Variants in SNAP91 observed in about 807,000 individuals in gnomAD.
The protein encoded by SNAP91 is synaptosome associated protein 91, also known as clathrin coat assembly protein AP180.
A neutral mutation model predicts 100.3 loss-of-function variants in SNAP91; 27 were observed. The observed-to-expected ratio is 0.27, with a 90% CI of 0.20 to 0.37. The LOEUF is 0.37. SNAP91 is among the 10% of genes least tolerant of loss of function. The pLI is 1.00. For synonymous variants in SNAP91, 404 were observed against 398.6 expected, an observed-to-expected ratio of 1.01 and a Z score of -0.16; for missense variants, 986 against 1,123.7, an observed-to-expected ratio of 0.88 and a Z score of 1.75.
At chr6:83,708,239 C>A (rs957464893) in intron 1 of SNAP91, 2 of 313,796 alleles carry the variant, frequency 6.4e-6, no homozygotes, top group African/African-American at 2.2e-5. Context: ...GCCAGACTCA[C>A]CCCCTGGGGA....
chr6:83,614,797 G>A (rs935680518), intron 11 of SNAP91, 60 bp downstream of exon 11: 298 of 1,252,364 alleles, frequency 2.4e-4, no homozygotes, highest in Non-Finnish European at 3.2e-4. Context: ...AATCTTAAGA[G>A]TGTTTTTTGC....
At chr6:83,600,529 C>G (rs1389600325) in intron 16 of SNAP91, among the ~76,000 whole-genome samples, 1 of 152,142 alleles carries the variant, frequency 6.6e-6, no homozygotes, top group Non-Finnish European at 1.5e-5. Context: ...TGGTACCACA[C>G]AGATGGGGAT....
At chr6:83,554,483 A>T (rs2022267) in intron 29 of SNAP91, among the ~76,000 whole-genome samples, 198 bp from the exon 30 acceptor site, 61,010 of 151,920 alleles carry the variant, frequency 0.4, 13,496 homozygotes, top group South Asian at 0.52. Context: ...TTTAGCCAGA[A>T]ATTAAAAAAA....
At chr6:83,610,504 G>C (rs1419831127) in intron 12 of SNAP91, 146 bp downstream of exon 12, 4 of 253,734 alleles carry the variant, frequency 1.6e-5, no homozygotes, top group Non-Finnish European at 8.0e-6. Flanking sequence ...AGTTTTGAAA[G>C]ATAAAAAAAA....
chr6:83,637,138 G>T (rs534819130), intron 8 of SNAP91, among the ~76,000 whole-genome samples: 1 of 152,346 alleles, frequency 6.6e-6, no homozygotes, highest in Middle Eastern at 3.4e-3. Context: ...AGTGCTCTGG[G>T]GAGGGGAGGC....
chr6:83,660,968 G>C (rs957090330), intron 5 of SNAP91, among the ~76,000 whole-genome samples: 4 of 151,902 alleles, frequency 2.6e-5, no homozygotes, highest in African/African-American at 9.7e-5. Flanking sequence ...TTAGTAGAGA[G>C]AAAGTCTCAC....
At chr6:83,636,372 T>C (rs2097447313) in intron 8 of SNAP91, among the ~76,000 whole-genome samples, 1 of 152,180 alleles carries the variant, frequency 6.6e-6, no homozygotes, top group African/African-American at 2.4e-5. Flanking sequence ...TAAAATTCCT[T>C]TTTTCTTTAT....
chr6:83,565,443 C>T (rs1293076413), intron 26 of SNAP91, among the ~76,000 whole-genome samples: 1 of 152,136 alleles, frequency 6.6e-6, no homozygotes, highest in African/African-American at 2.4e-5. Flanking sequence ...ATATATTGTT[C>T]CTTTGCTAAG....
intron 7 of SNAP91, among the ~76,000 whole-genome samples, chr6:83,643,288 G>A (rs2097784604): frequency 1.3e-5 from 2 of 152,182 alleles, no homozygotes; most frequent in African/African-American, 2.4e-5. Context: ...GAATGGTATT[G>A]CCTAGGTTTT....
intron 2 of SNAP91, 99 bp from the exon 3 acceptor site, chr6:83,665,680 T>A: frequency 9.8e-7 from 1 of 1,024,314 alleles, no homozygotes; most frequent in Non-Finnish European, 1.4e-6. Flanking sequence ...ATATATGACC[T>A]TAAAAGTACT....
At chr6:83,567,991 CT>C (rs1261541816) in intron 26 of SNAP91, among the ~76,000 whole-genome samples, 4 of 151,694 alleles carry the variant, frequency 2.6e-5, no homozygotes, top group Non-Finnish European at 5.9e-5. Flanking sequence ...CATCCCATTA[CT>C]GGCTATATAC....
rs2099417037 is a variant in SNAP91 at position 83,708,911 on chromosome 6, C to G, written c.-97G>C. The G allele has an allele frequency of 6.6e-6, 1 of 152,004 alleles. No individual in the cohort carries two copies. Among genetic ancestry groups the G allele is most frequent in the African/African-American group, 2.4e-5 (1 of 41,386 alleles). The allele number at this position is 152,004 out of a possible 1,614,324, so 9.4% of individuals were successfully genotyped here. A position where few individuals can be genotyped will look rare whatever the true frequency, so the allele number is the denominator to read the frequency against. The stretch of plus-strand genomic sequence containing the variant: ...CCCGGGCCGCCGAGGGAAGCCGCGC[C>G]GGTGGATGTGTGCGACCGCGCGTAG... On this transcript the variant is annotated 5_prime_UTR_variant, in exon 1 of 30. Coordinates refer to ENST00000369694, the MANE Select transcript of SNAP91 (RefSeq NM_001242792.2).
At chr6:83,692,214 T>C (rs1281234469) in intron 2 of SNAP91, among the ~76,000 whole-genome samples, 2 of 152,162 alleles carry the variant, frequency 1.3e-5, no homozygotes, top group Non-Finnish European at 1.5e-5. Context: ...AGATTGAAGT[T>C]TGTTGTTGCT....
intron 16 of SNAP91, among the ~76,000 whole-genome samples, chr6:83,596,390 A>T (rs1039269276): frequency 2.0e-5 from 3 of 152,346 alleles, no homozygotes; most frequent in East Asian, 3.9e-4. Context: ...AGAAGAATGT[A>T]AGAGAAGTAT....
At chr6:83,567,957 A>C (rs1799363845) in intron 26 of SNAP91, among the ~76,000 whole-genome samples, 1 of 151,998 alleles carries the variant, frequency 6.6e-6, no homozygotes, top group South Asian at 2.1e-4. Context: ...GGGATCTAGA[A>C]CTAGAAATAC....
intron 12 of SNAP91, 114 bp from the exon 13 acceptor site, chr6:83,607,922 T>C (rs1301889335): frequency 4.4e-6 from 2 of 457,454 alleles, no homozygotes; most frequent in East Asian, 7.0e-5. Flanking sequence ...TTTTTGTAAT[T>C]CTTTGTGGAG....
chr6:83,609,784 C>T (rs1307660782), intron 12 of SNAP91, among the ~76,000 whole-genome samples: 2 of 152,104 alleles, frequency 1.3e-5, no homozygotes, highest in African/African-American at 4.8e-5. Context: ...GAAAGACACC[C>T]AATTACAATG....
chr6:83,652,765 A>AT, intron 7 of SNAP91, among the ~76,000 whole-genome samples: 1 of 152,108 alleles, frequency 6.6e-6, no homozygotes, highest in African/African-American at 2.4e-5. Flanking sequence ...TTCTTTTAGC[A>AT]TTTTTCGCAA....
At chr6:83,589,046 A>G (rs1339691454) in intron 22 of SNAP91, among the ~76,000 whole-genome samples, 1 of 152,246 alleles carries the variant, frequency 6.6e-6, no homozygotes, top group African/African-American at 2.4e-5. Context: ...AATCTTAATT[A>G]TAACTTCAAA....
Sources: gnomAD v4.1 joint callset for allele counts (sites outside exome capture counted in the v4.1 genomes callset) on GRCh38, gnomAD v4.1.1 for gene constraint, MANE v1.5 for transcripts, NCBI Gene and HGNC (gene_info 2026-07-23, HGNC 2026-07-21) for gene names.